Variants in NAV3 observed in about 807,000 individuals in gnomAD.
NAV3 encodes the protein pore membrane and/or filament interacting like protein 1.
A neutral mutation model predicts 244.7 loss-of-function variants in NAV3; 87 were observed. That is an observed-to-expected ratio of 0.36 (90% CI 0.30 to 0.42). The LOEUF (loss-of-function observed/expected upper bound fraction) is 0.42, where lower values mean the gene tolerates loss of function less well. Among genes scored for constraint, NAV3 ranks in the 20% least tolerant of loss-of-function variants. NAV3 has a pLI of 1.00. For missense variants in NAV3, 2,663 were observed against 2,893.3 expected, an observed-to-expected ratio of 0.92 and a Z score of 1.83; for synonymous variants, 1,126 against 1,042.2, an observed-to-expected ratio of 1.08 and a Z score of -1.55.
chr12:77,608,194 A>G (rs1025162845), intron 2 of NAV3, among the ~76,000 whole-genome samples: 11 of 152,118 alleles, frequency 7.2e-5, no homozygotes, highest in African/African-American at 1.9e-4. Context: ...CATTTATATT[A>G]CTTCCATAAA....
intron 2 of NAV3, among the ~76,000 whole-genome samples, chr12:77,683,064 G>A (rs766232484): frequency 7.2e-5 from 11 of 151,858 alleles, no homozygotes; most frequent in Middle Eastern, 3.4e-3. Flanking sequence ...GTGCTTTTGG[G>A]GTGATATCCA....
At chr12:77,768,083 T>A (rs2135864940) in intron 2 of NAV3, among the ~76,000 whole-genome samples, 1 of 152,088 alleles carries the variant, frequency 6.6e-6, no homozygotes, top group East Asian at 1.9e-4. Context: ...TGGAGAGGAG[T>A]CCAGTAGAAC....
At chr12:78,055,020 G>T (rs115994836) in intron 11 of NAV3, among the ~76,000 whole-genome samples, 317 of 152,228 alleles carry the variant, frequency 2.1e-3, no homozygotes, top group African/African-American at 7.3e-3. Context: ...ATCATAAACT[G>T]AATTATGTAT....
At chr12:77,854,032 G>A (rs1877964523) in intron 1 of NAV3, among the ~76,000 whole-genome samples, 1 of 152,112 alleles carries the variant, frequency 6.6e-6, no homozygotes, top group South Asian at 2.1e-4. Flanking sequence ...CATACCAGTT[G>A]GTAGGAAAAT....
intron 8 of NAV3, among the ~76,000 whole-genome samples, chr12:78,015,022 C>T: frequency 6.6e-6 from 1 of 152,060 alleles, no homozygotes; most frequent in Middle Eastern, 3.2e-3. Context: ...CTAGAAGAGG[C>T]ACTTTTGTGT....
At chr12:77,650,781 T>C (rs1687761) in intron 2 of NAV3, among the ~76,000 whole-genome samples, 23,713 of 151,902 alleles carry the variant, frequency 0.16, 2,835 homozygotes, top group African/African-American at 0.33. Context: ...TAAATTTCCT[T>C]TTTATGGTAT....
At chr12:78,146,017 A>G (rs1032843481) in intron 20 of NAV3, among the ~76,000 whole-genome samples, 5 of 152,058 alleles carry the variant, frequency 3.3e-5, no homozygotes, top group Non-Finnish European at 7.4e-5. Context: ...CAATATTTTA[A>G]GTTTACATGC....
intron 1 of NAV3, among the ~76,000 whole-genome samples, chr12:77,850,045 A>G (rs1398127272): frequency 6.6e-6 from 1 of 152,202 alleles, no homozygotes; most frequent in Non-Finnish European, 1.5e-5. Flanking sequence ...ATTTATTGAT[A>G]ATTATTGCTT....
chr12:78,024,082 C>G (rs1183275858), intron 9 of NAV3, among the ~76,000 whole-genome samples: 1 of 152,160 alleles, frequency 6.6e-6, no homozygotes, highest in African/African-American at 2.4e-5. Flanking sequence ...AGCAATGATT[C>G]CACTAGGATT....
intron 1 of NAV3, 68 bp from the exon 2 acceptor site, chr12:77,940,251 T>C (rs1889737774): frequency 1.8e-6 from 2 of 1,133,068 alleles, no homozygotes; most frequent in Non-Finnish European, 2.6e-6. Flanking sequence ...CCAACATTTG[T>C]CTTCAGCATT....
intron 16 of NAV3, among the ~76,000 whole-genome samples, chr12:78,125,468 G>A (rs1955867971): frequency 6.6e-6 from 1 of 152,122 alleles, no homozygotes; most frequent in Admixed American, 6.6e-5. Context: ...GTCTATATTT[G>A]TTTTGGGTTT....
intron 5 of NAV3, 112 bp from the exon 6 acceptor site, chr12:77,994,675 GTTCTTTATACATGTTT>G: frequency 1.6e-6 from 1 of 633,094 alleles, no homozygotes; most frequent in Non-Finnish European, 2.7e-6. Context: ...TAATTAATTT[GTTCTTTATACATGTTT>G]ATACGTGTTC....
At chr12:78,149,810 G>A (rs997803414) in intron 22 of NAV3, among the ~76,000 whole-genome samples, 1 of 151,964 alleles carries the variant, frequency 6.6e-6, no homozygotes, top group African/African-American at 2.4e-5. Context: ...GTGAGCAGGT[G>A]CAGACCCACA....
At chr12:77,954,400 A>G (rs1018808052) in intron 3 of NAV3, among the ~76,000 whole-genome samples, 10 of 152,244 alleles carry the variant, frequency 6.6e-5, no homozygotes, top group Non-Finnish European at 1.0e-4. Context: ...ATAATGAGGC[A>G]GAAGAGCAAG....
At chr12:77,767,284 A>G (rs1869825424) in intron 2 of NAV3, among the ~76,000 whole-genome samples, 1 of 152,204 alleles carries the variant, frequency 6.6e-6, no homozygotes, top group Non-Finnish European at 1.5e-5. Flanking sequence ...GGCAGTTCAA[A>G]TGTGATGTAT....
chr12:77,863,197 A>C (rs1879507535), intron 1 of NAV3, among the ~76,000 whole-genome samples: 1 of 151,914 alleles, frequency 6.6e-6, no homozygotes, highest in Non-Finnish European at 1.5e-5. Flanking sequence ...AGGAAATGCA[A>C]AGTGTAAACA....
At chr12:77,914,295 G>A (rs1479029) in intron 1 of NAV3, among the ~76,000 whole-genome samples, 54,733 of 151,728 alleles carry the variant, frequency 0.36, 10,391 homozygotes, top group African/African-American at 0.47. Flanking sequence ...TTATTCACAC[G>A]TCAGGCAGTC....
intron 9 of NAV3, among the ~76,000 whole-genome samples, chr12:78,038,647 C>T (rs1238773581): frequency 6.6e-6 from 1 of 152,176 alleles, no homozygotes; most frequent in Non-Finnish European, 1.5e-5. Context: ...TTTACTTTTG[C>T]ACCATTGTGT....
At chr12:77,893,749 G>A (rs149005392) in intron 1 of NAV3, among the ~76,000 whole-genome samples, 383 of 152,304 alleles carry the variant, frequency 2.5e-3, no homozygotes, top group African/African-American at 8.4e-3. Context: ...AGTGACTACA[G>A]CAACTTCCAT....
Sources: gnomAD v4.1 joint callset for allele counts (sites outside exome capture counted in the v4.1 genomes callset) on GRCh38, gnomAD v4.1.1 for gene constraint, MANE v1.5 for transcripts, NCBI Gene and HGNC (gene_info 2026-07-23, HGNC 2026-07-21) for gene names.